Variants in FANCG observed in about 807,000 individuals in gnomAD.
FANCG encodes the protein FA complementation group G, also known as Fanconi anemia group G protein.
A neutral mutation model predicts 73.3 loss-of-function variants in FANCG; 67 were observed. That is an observed-to-expected ratio of 0.91 (90% CI 0.75 to 1.12). The LOEUF (loss-of-function observed/expected upper bound fraction) is 1.12. Among genes scored for constraint, FANCG ranks in the 50% most tolerant of loss-of-function variants. FANCG has a pLI of 0.00. For synonymous variants in FANCG, 297 were observed against 311.6 expected (o/e 0.95, Z 0.49); for missense variants, 643 against 735.6 (o/e 0.87, Z 1.46).
chr9:35,075,600 C>G lies in FANCG; in HGVS notation c.1298G>C (p.Arg433Pro), dbSNP rs748738986. The G allele has an allele frequency of 1.7e-5, 28 of 1,614,084 alleles. 1 individual carries two copies. The highest frequency in any genetic ancestry group is 1.4e-4 in the South Asian group (13 of 91,082). The change falls in exon 10 of 14, where the codon CGG (arginine) becomes CCG (proline). Residue 433 changes from arginine (R) to proline (P), a missense_variant. By Grantham distance (103) the Arg-to-Pro change is moderately radical. Transcript: ENST00000378643. ...TCCTTTTCTGGCATCTTCCCACAGC[C>G]GGGACATCTTGGGTAGCAGAGATGA... ...RTSSLLPKMSRLWEDARKGTK... is the reference protein window; with the variant it reads ...RTSSLLPKMSPLWEDARKGTK...
At position 35,077,116 on chromosome 9, in the gene FANCG, G is replaced by A; in HGVS notation, c.647-15C>T. ...CTCCTGGAGACCTGAGGACAGTCAGGGTGTGAGCTTGGAGAGGGCTATAGA... is the reference window on the plus strand; with the variant it reads ...CTCCTGGAGACCTGAGGACAGTCAGAGTGTGAGCTTGGAGAGGGCTATAGA... On this transcript the variant is annotated splice_polypyrimidine_tract_variant and intron_variant, in intron 5 of 13. Transcript: ENST00000378643. The A allele has an allele frequency of 6.2e-7, 1 of 1,614,180 alleles. No homozygotes were observed. Among genetic ancestry groups the A allele is most frequent in the Middle Eastern group, 1.6e-4 (1 of 6,062 alleles).
rs771669019 is a variant in FANCG at position 35,074,112 on chromosome 9, A to G, written c.1865T>C (p.Leu622Pro). Residue 622 changes from leucine (L) to proline (P), a missense_variant, in exon 14 of 14, where the codon CTG becomes CCG. Leu to Pro is a moderately conservative substitution (Grantham distance 98). Coordinates refer to ENST00000378643, the MANE Select transcript of FANCG (RefSeq NM_004629.2). ...FRTSLPKSCD[L>P] ...AAGCTCTTCAAAACGTGGCAGCTAC[A>G]GGTCACAAGACTTTGGCAGAGATGT... is the stretch of plus-strand genomic sequence containing the variant. 26 of 1,613,572 alleles carry G rather than the reference A, an allele frequency of 1.6e-5. No homozygotes were observed. The African/African-American group carries it at 2.5e-4, about 16-fold the overall frequency.
rs561363248 is a variant in FANCG at position 35,078,433 on chromosome 9, T to A, written c.308-90A>T. The stretch of plus-strand genomic sequence containing the variant: ...CCCACACACTCTGGCTTTCCTCTCC[T>A]GCAGGACCCCAAAGGTCACAATAAT... On this transcript the variant is annotated intron_variant, in intron 3 of 13. Transcript: ENST00000378643. The A allele has an allele frequency of 4.6e-6, 7 of 1,528,462 alleles. No homozygotes were observed. The Admixed American group carries it at 1.1e-4, about 23-fold the overall frequency. 94.7% of individuals were successfully genotyped at this position (1,528,462 alleles called of 1,614,324 possible). A position where few individuals can be genotyped will look rare whatever the true frequency, so the allele number is the denominator to read the frequency against.
Position 35,075,556 on chromosome 9 carries a change from A to C in FANCG, c.1342T>G (p.Cys448Gly). ...TGGGTGGCAGAGACCCAGAGTGGGC[A>C]GTATGGCAGTTCCTTGGTTCCTTTT... is the stretch of plus-strand genomic sequence containing the variant. ...ARKGTKELPY[C>G]PLWVSATHLL... The change falls in exon 10 of 14, where the codon TGC becomes GGC. Residue 448 changes from cysteine to glycine, a missense_variant. Transcript: ENST00000378643. 6.2e-7 allele frequency: 1 copy of C among 1,614,092 alleles called. No homozygotes were observed. Among genetic ancestry groups the C allele is most frequent in the Non-Finnish European group, 8.5e-7 (1 of 1,180,000 alleles).
chr9:35,076,691 TC>T, intron 7 of FANCG, 32 bp downstream of exon 7: 6 of 1,614,196 alleles, frequency 3.7e-6, no homozygotes, highest in Non-Finnish European at 5.1e-6. Context: ...TCAGGAATCC[TC>T]CACCCCACAT....
Position 35,076,622 on chromosome 9 carries a change from G to A in FANCG, c.925-39C>T, listed in dbSNP as rs1377553229. The A allele has an allele frequency of 1.9e-6, 3 of 1,613,944 alleles. No individual in the cohort carries two copies. In the Admixed American group the frequency reaches 5.0e-5, roughly 27 times the overall value. On this transcript the variant is annotated intron_variant, in intron 7 of 13. Coordinates refer to ENST00000378643, the MANE Select transcript of FANCG (RefSeq NM_004629.2). The stretch of plus-strand genomic sequence containing the variant: ...AAAAAAATTGTATCTATAATCTTTG[G>A]GAGCCATACTTCCTTATACTTGGAT...
rs121434426 is a variant in FANCG at position 35,076,442 on chromosome 9, G to A, written c.1066C>T (p.Gln356Ter). 7 of 1,614,058 alleles carry A rather than the reference G, an allele frequency of 4.3e-6. No homozygotes were observed. The East Asian group carries it at 1.1e-4, about 26-fold the overall frequency. The change falls in exon 8 of 14, where the codon CAG becomes TAG. Residue 356 changes from glutamine (Q) to a stop codon, truncating the protein, a stop_gained. Coordinates refer to ENST00000378643, the MANE Select transcript of FANCG (RefSeq NM_004629.2). LOFTEE classifies it high-confidence loss of function. ...CAAGGGGAACCTCACCTCCCCGTCT[G>A]TAGGCACCTGCTTGCTAGTATGTGC... ...TKHILASRCL[Q>*]TGRAGDAAEH...
At chr9:35,074,822 CT>C in intron 12 of FANCG, 104 bp downstream of exon 12, 1 of 1,425,586 alleles carries the variant, frequency 7.0e-7, no homozygotes, top group Non-Finnish European at 9.9e-7. Context: ...CCAATCACCC[CT>C]CCTGTCTGAG....
chr9:35,079,311 A>T, intron 1 of FANCG, 70 bp from the exon 2 acceptor site: 1 of 1,530,690 alleles, frequency 6.5e-7, no homozygotes, highest in Non-Finnish European at 9.0e-7. Flanking sequence ...GTGGCAAGGG[A>T]TGCATTCTCC....
rs538555981 is a variant in FANCG, at chr9:35,078,736, C to T, written c.176G>A (p.Gly59Glu). 2.1e-5 allele frequency: 34 copies of T among 1,614,092 alleles called. No homozygotes were observed. Among genetic ancestry groups the T allele is most frequent in the Middle Eastern group, 3.3e-4 (2 of 6,060 alleles). Residue 59 changes from glycine (G) to glutamate (E), a missense_variant and splice_region_variant, in exon 3 of 14, where the codon GGG becomes GAG. By Grantham distance (98) the Gly-to-Glu change is moderately conservative. Transcript: ENST00000378643. ...GLRGLLHSLQ[G>E]LPAAVPVLPL... ...AAGAACAGGAACAGCTGCAGGGAGC[C>T]CTGGAGCAACAATGTTGGTCTTACA...
chr9:35,074,015 T>C lies in FANCG; in HGVS notation c.*93A>G. The C allele has an allele frequency of 1.0e-6, 1 of 952,954 alleles. No individual in the cohort carries two copies. The highest frequency in any genetic ancestry group is 1.7e-6 in the Non-Finnish European group (1 of 581,816). The allele number at this position is 952,954 out of a possible 1,614,324, so 59.0% of individuals were successfully genotyped here. A position where few individuals can be genotyped will look rare whatever the true frequency, so the allele number is the denominator to read the frequency against. On this transcript the variant is annotated 3_prime_UTR_variant, in exon 14 of 14. Transcript: ENST00000378643. ...CACCAGTCCAGGAATTATATAGGAATGGTCACATTCCTAATGATGGTGAAG... is the reference window on the plus strand; with the variant it reads ...CACCAGTCCAGGAATTATATAGGAACGGTCACATTCCTAATGATGGTGAAG...
In FANCG at chr9:35,078,153, C is replaced by A; in HGVS notation, c.498G>T (p.Leu166=). 1 of 1,614,152 alleles carries A rather than the reference C, an allele frequency of 6.2e-7. No homozygotes were observed. Among genetic ancestry groups the A allele is most frequent in the Non-Finnish European group, 8.5e-7 (1 of 1,180,034 alleles). ...LGDLALLLET[L]NGSQSGASKD... Reference sequence around the variant, plus strand: ...CTTTCCCTATTACCTGGCTGCCATTCAGGGTCTCTAGTAACAAGGCCAGGT... The same window carrying A: ...CTTTCCCTATTACCTGGCTGCCATTAAGGGTCTCTAGTAACAAGGCCAGGT... The change falls in exon 4 of 14, where the codon CTG becomes CTT. Residue 166 remains leucine, a synonymous_variant. Transcript: ENST00000378643.
At position 35,079,510 on chromosome 9, in the gene FANCG, G is replaced by T. The variant is rs748963569; in HGVS notation, c.15C>A (p.Thr5=). 1 of 1,614,104 alleles carries T rather than the reference G, an allele frequency of 6.2e-7. No individual in the cohort carries two copies. Among genetic ancestry groups the T allele is most frequent in the Non-Finnish European group, 8.5e-7 (1 of 1,180,038 alleles). ...CCAGGCAGCTGGAGCCCACAGAGGT[G>T]GTCTGGCGGGACATGGTGGCCGAGG... MSRQ[T]TSVGSSCLDL... The change falls in exon 1 of 14, where the codon ACC becomes ACA. Residue 5 remains threonine (T), a synonymous_variant. Transcript: ENST00000378643.
At chr9:35,078,450 C>A in intron 3 of FANCG, 107 bp from the exon 4 acceptor site, 2 of 1,516,420 alleles carry the variant, frequency 1.3e-6, no homozygotes, top group South Asian at 2.3e-5. Context: ...CCCCAAAGGT[C>A]ACAATAATAA....
Position 35,075,069 on chromosome 9 carries a change from G to C in FANCG, c.1494C>G (p.Asn498Lys), listed in dbSNP as rs2131053110. Residue 498 changes from asparagine to lysine, a missense_variant, in exon 12 of 14, where the codon AAC becomes AAG. Asn to Lys is a moderately conservative substitution (Grantham distance 94). Transcript: ENST00000378643. ...PEEKEQGAAF[N>K]CEQGCKSDAA... is the part of the protein sequence containing the mutation. ...CATCTGACTTACATCCCTGCTCACA[G>C]TTGAAAGCTGCCCCTGGGGACCACT... is the stretch of plus-strand genomic sequence containing the variant. The C allele has an allele frequency of 6.2e-7, 1 of 1,614,078 alleles. No homozygotes were observed. Among genetic ancestry groups the C allele is most frequent in the Non-Finnish European group, 8.5e-7 (1 of 1,180,032 alleles).
Position 35,075,967 on chromosome 9 carries a change from G to A in FANCG, c.1138C>T (p.Pro380Ser). Residue 380 changes from proline to serine, a missense_variant, in exon 9 of 14, where the codon CCA becomes TCA. Physicochemically the swap from Pro to Ser is moderately conservative, Grantham distance 74. Transcript: ENST00000378643. ...LLALLLDSSE[P>S]RFSPPPSPPG... ...AAGCTTGAAGACACACCCACCCTTG[G>A]CTCCGAGCTATCCAGCAACAGGGCC... The A allele has an allele frequency of 6.2e-7, 1 of 1,614,130 alleles. No homozygotes were observed.
At chr9:35,075,856 G>T in intron 9 of FANCG, 102 bp from the exon 10 acceptor site, 1 of 1,533,652 alleles carries the variant, frequency 6.5e-7, no homozygotes, top group Non-Finnish European at 9.0e-7. Flanking sequence ...CCCCCAGACT[G>T]GACAGACAGA....
At chr9:35,075,792 G>A (rs1224786917) in intron 9 of FANCG, 38 bp from the exon 10 acceptor site, 6 of 1,581,538 alleles carry the variant, frequency 3.8e-6, no homozygotes, top group African/African-American at 1.3e-5. Flanking sequence ...TGAAAGGCAT[G>A]AGCCACCATC....
At position 35,074,496 on chromosome 9, in the gene FANCG, T is replaced by G; in HGVS notation, c.1637-2A>C. On this transcript the variant is annotated splice_acceptor_variant, in intron 12 of 13. Coordinates refer to ENST00000378643, the MANE Select transcript of FANCG (RefSeq NM_004629.2). LOFTEE classifies it high-confidence loss of function. ...GGTGAAAGTAAGTGTCTCGATTACC[T>G]GTAGCCCCAGCCCAGAGTACAGAGT... is the stretch of plus-strand genomic sequence containing the variant. 1 of 1,613,940 alleles carries G rather than the reference T, an allele frequency of 6.2e-7. No homozygotes were observed. Among genetic ancestry groups the G allele is most frequent in the East Asian group, 2.2e-5 (1 of 44,888 alleles).
Sources: allele counts gnomAD v4.1 joint callset, GRCh38; gene constraint gnomAD v4.1.1; transcripts MANE v1.5; gene names NCBI Gene and HGNC (gene_info 2026-07-23, HGNC 2026-07-21).